The following POU2F1 variants were observed in gnomAD, a reference collection of about 807,000 sequenced individuals.
POU2F1 encodes the protein POU domain, class 2, transcription factor 1.
A neutral mutation model predicts 84.9 loss-of-function variants in POU2F1; 16 were observed. That is an observed-to-expected ratio of 0.19 (90% confidence interval 0.13 to 0.29). POU2F1 has a LOEUF of 0.29. POU2F1 is among the 10% of genes least tolerant of loss of function. POU2F1 has a pLI of 1.00. For synonymous variants in POU2F1, 368 were observed against 368.3 expected (o/e 1.00, Z 0.01); for missense variants, 738 against 942.6 (o/e 0.78, Z 2.84).
intron 9 of POU2F1, among the ~76,000 whole-genome samples, chr1:167,394,878 ATTCAATGTGCTAATAAAAAATGTAGTG>A (rs1267036838): frequency 1.3e-5 from 2 of 152,216 alleles, no homozygotes; most frequent in African/African-American, 4.8e-5. Flanking sequence ...AAAATGTAGT[ATTCAATGTGCTAATAAAAAATGTAGTG>A]TTCAAAAGAT....
chr1:167,368,858 G>A (rs956524675), intron 3 of POU2F1, among the ~76,000 whole-genome samples: 3 of 152,124 alleles, frequency 2.0e-5, no homozygotes, highest in African/African-American at 7.2e-5. Flanking sequence ...AGGACATCTT[G>A]ATGCTATCTG....
chr1:167,340,886 A>G (rs751596719), intron 2 of POU2F1, among the ~76,000 whole-genome samples: 2 of 152,240 alleles, frequency 1.3e-5, no homozygotes, highest in Non-Finnish European at 1.5e-5. Flanking sequence ...TGAGAAGTAT[A>G]TGTGAACCCA....
chr1:167,243,762 C>T (rs550451559), intron 1 of POU2F1, among the ~76,000 whole-genome samples: 1 of 152,336 alleles, frequency 6.6e-6, no homozygotes, highest in African/African-American at 2.4e-5. Flanking sequence ...AGGCTTGAGC[C>T]ATCACACCCG....
At chr1:167,246,381 A>G (rs564709925) in intron 1 of POU2F1, among the ~76,000 whole-genome samples, 60 of 152,356 alleles carry the variant, frequency 3.9e-4, no homozygotes, top group African/African-American at 9.6e-4. Flanking sequence ...GAATAACTTT[A>G]CATATTTACA....
intron 2 of POU2F1, among the ~76,000 whole-genome samples, chr1:167,348,443 A>G (rs186566662): frequency 1.3e-5 from 2 of 152,308 alleles, no homozygotes; most frequent in Non-Finnish European, 1.5e-5. Context: ...GAACCATTTT[A>G]TATTTCCACA....
At chr1:167,393,529 A>T (rs907658507) in intron 9 of POU2F1, among the ~76,000 whole-genome samples, 5 of 151,874 alleles carry the variant, frequency 3.3e-5, no homozygotes, top group Admixed American at 3.3e-4. Context: ...AGAGGGTCTC[A>T]CTCTCTTGGC....
At chr1:167,330,204 A>G (rs1284653613) in intron 1 of POU2F1, among the ~76,000 whole-genome samples, 1 of 152,192 alleles carries the variant, frequency 6.6e-6, no homozygotes, top group Non-Finnish European at 1.5e-5. Flanking sequence ...TCTTACATTT[A>G]AAACTTTTGC....
At chr1:167,410,908 A>C (rs1186531978) in intron 13 of POU2F1, among the ~76,000 whole-genome samples, 1 of 152,244 alleles carries the variant, frequency 6.6e-6, no homozygotes, top group Non-Finnish European at 1.5e-5. Flanking sequence ...AACATTAAAT[A>C]ATCCCAGCAA....
chr1:167,414,910 G>A (rs1650201132), intron 15 of POU2F1, among the ~76,000 whole-genome samples: 1 of 152,038 alleles, frequency 6.6e-6, no homozygotes, highest in African/African-American at 2.4e-5. Context: ...CAACCTTTTT[G>A]GCACCAGGGA....
chr1:167,274,449 A>G (rs1327820600), intron 1 of POU2F1, among the ~76,000 whole-genome samples: 1 of 152,048 alleles, frequency 6.6e-6, no homozygotes, highest in African/African-American at 2.4e-5. Context: ...TCTTTTGAGT[A>G]TTGCCTGGAA....
rs1171347161 is a variant in POU2F1 at position 167,417,371 on chromosome 1, A to G, written c.*1561A>G. 6.6e-6 allele frequency: 1 copy of G among 152,220 alleles called. No individual in the cohort carries two copies. The highest frequency in any genetic ancestry group is 2.4e-5 in the African/African-American group (1 of 41,448). 9.4% of individuals were successfully genotyped at this position (152,220 alleles called of 1,614,324 possible). A position where few individuals can be genotyped will look rare whatever the true frequency, so the allele number is the denominator to read the frequency against. On this transcript the variant is annotated 3_prime_UTR_variant, in exon 16 of 16. Coordinates refer to ENST00000367866, the MANE Select transcript of POU2F1 (RefSeq NM_002697.4). ...ATGGCAATACACATCTCTTTATTCA[A>G]TGTAGAAAGTAATTAGCTCTGTAAT...
At chr1:167,271,974 C>T (rs976200624) in intron 1 of POU2F1, among the ~76,000 whole-genome samples, 1 of 152,042 alleles carries the variant, frequency 6.6e-6, no homozygotes, top group East Asian at 1.9e-4. Flanking sequence ...TATAACCATA[C>T]CCATTTGTTT....
intron 9 of POU2F1, among the ~76,000 whole-genome samples, chr1:167,390,754 C>T (rs993511144): frequency 2.6e-5 from 4 of 152,160 alleles, no homozygotes; most frequent in African/African-American, 7.2e-5. Context: ...TGCTCCATTG[C>T]ACTCCAGCCT....
At chr1:167,400,332 C>T (rs535582460) in intron 12 of POU2F1, among the ~76,000 whole-genome samples, 83 of 152,144 alleles carry the variant, frequency 5.5e-4, no homozygotes, top group African/African-American at 1.9e-3. Context: ...AATTTTAATT[C>T]TTTCATCACA....
chr1:167,328,080 G>T (rs1480047280), intron 1 of POU2F1, among the ~76,000 whole-genome samples: 2 of 152,062 alleles, frequency 1.3e-5, no homozygotes, highest in Non-Finnish European at 2.9e-5. Flanking sequence ...TTATATATAT[G>T]TATGTATGTT....
At chr1:167,227,825 A>G (rs1264882312) in intron 1 of POU2F1, among the ~76,000 whole-genome samples, 1 of 152,216 alleles carries the variant, frequency 6.6e-6, no homozygotes, top group African/African-American at 2.4e-5. Context: ...TGGAGAATAG[A>G]TCAGAGTGTG....
chr1:167,361,037 A>G (rs1399074367), intron 2 of POU2F1, among the ~76,000 whole-genome samples: 1 of 152,082 alleles, frequency 6.6e-6, no homozygotes, highest in Non-Finnish European at 1.5e-5. Context: ...TTATTCATGT[A>G]TAGGAATGCT....
chr1:167,347,171 A>T (rs1020808567), intron 2 of POU2F1, among the ~76,000 whole-genome samples: 2 of 152,174 alleles, frequency 1.3e-5, no homozygotes, highest in African/African-American at 4.8e-5. Flanking sequence ...GACTGCCTTA[A>T]ATTTACTTAT....
chr1:167,398,151 T>A lies in POU2F1; in HGVS notation c.1269+18T>A. The A allele has an allele frequency of 6.2e-7, 1 of 1,612,422 alleles. No individual in the cohort carries two copies. Among genetic ancestry groups the A allele is most frequent in the East Asian group, 2.2e-5 (1 of 44,864 alleles). On this transcript the variant is annotated intron_variant, in intron 11 of 15. Coordinates refer to ENST00000367866, the MANE Select transcript of POU2F1 (RefSeq NM_002697.4). The stretch of plus-strand genomic sequence containing the variant: ...TCTTGGAGGTCAGTGAGGATTTTAC[T>A]TTTCTGTACATGGGATTGTCTGTGT...
Sources: allele counts gnomAD v4.1 joint callset (sites outside exome capture counted in the v4.1 genomes callset), GRCh38; gene constraint gnomAD v4.1.1; transcripts MANE v1.5; gene names NCBI Gene and HGNC (gene_info 2026-07-23, HGNC 2026-07-21).